Variants in SMYD3 observed in about 807,000 individuals in gnomAD.
The protein encoded by SMYD3 is SET and MYND domain containing 3.
SMYD3 carries 36 observed loss-of-function variants against 57.7 expected under a neutral mutation model. That is an observed-to-expected ratio of 0.62 (90% confidence interval 0.48 to 0.82). The LOEUF (loss-of-function observed/expected upper bound fraction) is 0.82, where lower values mean the gene tolerates loss of function less well. Among genes scored for constraint, SMYD3 ranks in the 40% least tolerant of loss-of-function variants. The pLI, the probability that SMYD3 is intolerant of heterozygous loss-of-function variation, is 0.00. For missense variants in SMYD3, 515 were observed against 538.8 expected (o/e 0.96, Z 0.44); for synonymous variants, 211 against 195.0 (o/e 1.08, Z -0.68).
At chr1:246,016,793 C>T (rs1046793436) in intron 5 of SMYD3, among the ~76,000 whole-genome samples, 8 of 151,928 alleles carry the variant, frequency 5.3e-5, no homozygotes, top group African/African-American at 1.9e-4. Flanking sequence ...AACAAGGAAG[C>T]TGGAATTATG....
intron 5 of SMYD3, among the ~76,000 whole-genome samples, chr1:246,075,973 C>T (rs1165738219): frequency 7.2e-6 from 1 of 139,854 alleles, no homozygotes; most frequent in Non-Finnish European, 1.5e-5. Context: ...GCCAAAAGAA[C>T]TTTGGCAAAA....
intron 1 of SMYD3, among the ~76,000 whole-genome samples, chr1:246,420,263 C>T (rs1031611870): frequency 2.6e-5 from 4 of 151,822 alleles, no homozygotes; most frequent in Non-Finnish European, 5.9e-5. Context: ...ATAAACCACT[C>T]GATGAGGAGT....
chr1:246,374,329 A>G (rs1313404494), intron 1 of SMYD3, among the ~76,000 whole-genome samples: 1 of 151,244 alleles, frequency 6.6e-6, no homozygotes, highest in Non-Finnish European at 1.5e-5. Context: ...CAACAGTCAC[A>G]GCATGTCTGC....
intron 10 of SMYD3, among the ~76,000 whole-genome samples, chr1:245,808,807 GGCTGGAGT>G (rs1477152641): frequency 6.6e-6 from 1 of 151,958 alleles, no homozygotes; most frequent in Non-Finnish European, 1.5e-5. Context: ...TTGTTGCCCA[GGCTGGAGT>G]GCAATGGCAC....
intron 5 of SMYD3, among the ~76,000 whole-genome samples, chr1:246,123,432 T>A (rs1281403395): frequency 6.6e-6 from 1 of 152,008 alleles, no homozygotes; most frequent in Non-Finnish European, 1.5e-5. Flanking sequence ...CTGGGCATGG[T>A]GGTGGGCACC....
chr1:246,265,644 G>T (rs140450360), intron 5 of SMYD3, among the ~76,000 whole-genome samples: 258 of 152,250 alleles, frequency 1.7e-3, no homozygotes, highest in African/African-American at 6.0e-3. Flanking sequence ...ACAATAAAAA[G>T]TCAGAAAATC....
chr1:245,948,761 T>TG lies in SMYD3; in HGVS notation c.532-18825dup, dbSNP rs577596983. On this transcript the variant is annotated intron_variant, in intron 5 of 11. Coordinates refer to ENST00000490107, the MANE Select transcript of SMYD3 (RefSeq NM_001167740.2). ...GCACAAGCCACTAGCAGTGACCCTG[T>TG]GGCCCCAGCAGCAAGGCCACCATGC... is the stretch of plus-strand genomic sequence containing the variant. 1.1e-3 allele frequency among the ~76,000 whole-genome samples: 170 copies of TG among 152,272 alleles called. 1 individual carries two copies. The highest frequency in any genetic ancestry group is 3.9e-3 in the African/African-American group (164 of 41,562).
At chr1:246,097,937 AC>A (rs1345199745) in intron 5 of SMYD3, among the ~76,000 whole-genome samples, 1 of 152,066 alleles carries the variant, frequency 6.6e-6, no homozygotes, top group Non-Finnish European at 1.5e-5. Flanking sequence ...TTTTACAGAC[AC>A]CCGTCTACAT....
rs1468053967 is a variant in SMYD3, at chr1:246,154,825, A to G, written c.531+172376T>C. ...GAGATGGAGTCTCACTCTGTCGCCC[A>G]GGCTGGAGTGCACTGGTGCAATTTT... On this transcript the variant is annotated intron_variant, in intron 5 of 11. Transcript: ENST00000490107. Among the ~76,000 whole-genome samples, 4 of 149,166 alleles carry G rather than the reference A, an allele frequency of 2.7e-5. 1 individual carries two copies. The Admixed American group carries it at 2.7e-4, about 10-fold the overall frequency.
chr1:246,098,740 TA>T (rs1328417073), intron 5 of SMYD3, among the ~76,000 whole-genome samples: 6 of 152,196 alleles, frequency 3.9e-5, no homozygotes, highest in Non-Finnish European at 8.8e-5. Flanking sequence ...ATTTAGATTG[TA>T]AGTATTTTAT....
chr1:246,447,112 C>T (rs1415585336), intron 1 of SMYD3, among the ~76,000 whole-genome samples: 1 of 151,764 alleles, frequency 6.6e-6, no homozygotes, highest in Non-Finnish European at 1.5e-5. Context: ...AACTATATAG[C>T]TTTCAAGTAG....
chr1:246,289,308 A>T (rs949091722), intron 5 of SMYD3, among the ~76,000 whole-genome samples: 3 of 152,234 alleles, frequency 2.0e-5, no homozygotes, highest in African/African-American at 7.2e-5. Flanking sequence ...GTTAGAGCAC[A>T]GATAGTGTGA....
At chr1:245,906,821 G>A (rs2054594895) in intron 8 of SMYD3, among the ~76,000 whole-genome samples, 1 of 152,204 alleles carries the variant, frequency 6.6e-6, no homozygotes, top group Admixed American at 6.5e-5. Flanking sequence ...AGAAAAAAAT[G>A]AGATCCAGTC....
chr1:245,759,382 CA>C (rs1439823039), intron 11 of SMYD3, among the ~76,000 whole-genome samples: 2 of 152,044 alleles, frequency 1.3e-5, no homozygotes, highest in African/African-American at 2.4e-5. Flanking sequence ...ACCTAGGCAC[CA>C]TGGATACTAA....
chr1:246,368,221 G>A (rs923530674), intron 1 of SMYD3, among the ~76,000 whole-genome samples: 1 of 152,184 alleles, frequency 6.6e-6, no homozygotes, highest in African/African-American at 2.4e-5. Flanking sequence ...AAGAAGTGGG[G>A]CGTGAAATTA....
intron 10 of SMYD3, among the ~76,000 whole-genome samples, chr1:245,810,277 C>G (rs182639279): frequency 2.6e-5 from 4 of 152,318 alleles, no homozygotes; most frequent in Non-Finnish European, 5.9e-5. Context: ...GAGCCTACAA[C>G]TCATTCTGCA....
chr1:246,118,950 C>A (rs1238590944), intron 5 of SMYD3, among the ~76,000 whole-genome samples: 1 of 152,012 alleles, frequency 6.6e-6, no homozygotes, highest in Non-Finnish European at 1.5e-5. Flanking sequence ...AGATTGACAT[C>A]TGAGGACCTT....
intron 2 of SMYD3, among the ~76,000 whole-genome samples, chr1:246,352,136 C>CAAAAAAAAAA (rs10581690): frequency 2.6e-4 from 16 of 60,478 alleles, no homozygotes; most frequent in South Asian, 1.0e-3. Flanking sequence ...GACTCTGTCT[C>CAAAAAAAAAA]AAAAAAAAAA....
At chr1:246,464,185 G>A (rs997982145) in intron 1 of SMYD3, among the ~76,000 whole-genome samples, 3 of 152,110 alleles carry the variant, frequency 2.0e-5, no homozygotes, top group Non-Finnish European at 4.4e-5. Context: ...AAGAGCTGAT[G>A]GGAATGTGTC....
Sources: gnomAD v4.1 joint callset for allele counts (sites outside exome capture counted in the v4.1 genomes callset) on GRCh38, gnomAD v4.1.1 for gene constraint, MANE v1.5 for transcripts, NCBI Gene and HGNC (gene_info 2026-07-23, HGNC 2026-07-21) for gene names.